HSPA4: variants seen among roughly 807,000 people sequenced by gnomAD.
HSPA4 encodes the protein heat shock 70 kDa protein 4.
In HSPA4, 25 loss-of-function variants were observed where a neutral mutation model predicts 106.2. That is an observed-to-expected ratio of 0.24 (90% confidence interval 0.17 to 0.33). HSPA4 has a LOEUF of 0.33. Among genes scored for constraint, HSPA4 ranks in the 10% least tolerant of loss-of-function variants. The pLI is 1.00. For missense variants in HSPA4, 841 were observed against 996.0 expected, an observed-to-expected ratio of 0.84 and a Z score of 2.10; for synonymous variants, 332 against 333.6, an observed-to-expected ratio of 1.00 and a Z score of 0.05.
In HSPA4 at chr5:133,073,213, CTTTT is replaced by C; in HGVS notation, c.430-8_430-5del. ...TAGAATCTATAATACAGTAAGCATT[CTTTT>C]TTTTTTTTGTAGGTTCCTTGTTTCT... On this transcript the variant is annotated splice_polypyrimidine_tract_variant and intron_variant, in intron 4 of 18. Coordinates refer to ENST00000304858, the MANE Select transcript of HSPA4 (RefSeq NM_002154.4). 1 of 1,189,676 alleles carries C rather than the reference CTTTT, an allele frequency of 8.4e-7. No homozygotes were observed. Among genetic ancestry groups the C allele is most frequent in the Non-Finnish European group, 1.2e-6 (1 of 859,238 alleles). The allele number at this position is 1,189,676 out of a possible 1,614,324, so 73.7% of individuals were successfully genotyped here. A position where few individuals can be genotyped will look rare whatever the true frequency, so the allele number is the denominator to read the frequency against.
intron 17 of HSPA4, among the ~76,000 whole-genome samples, chr5:133,102,850 C>T (rs1453627630): frequency 1.3e-5 from 2 of 150,628 alleles, no homozygotes; most frequent in Non-Finnish European, 2.9e-5. Context: ...AGTTCTCCTG[C>T]CTCAGCTACT....
Position 133,096,240 on chromosome 5 carries a change from T to C in HSPA4, c.1793T>C (p.Ile598Thr), listed in dbSNP as rs1765710646. The C allele has an allele frequency of 3.1e-6, 5 of 1,613,100 alleles. No homozygotes were observed. Among genetic ancestry groups the C allele is most frequent in the Non-Finnish European group, 4.2e-6 (5 of 1,179,484 alleles). Residue 598 changes from isoleucine (I) to threonine (T), a missense_variant, in exon 14 of 19, where the codon ATT (isoleucine) becomes ACT (threonine). Transcript: ENST00000304858. ...GACAGAGAGATGCTCAACTTGTACA[T>C]TGAAAATGAGGTTGTTATTTAAAGT... Reference protein sequence around the residue: ...QIDREMLNLYIENEGKMIMQD... With the variant: ...QIDREMLNLYTENEGKMIMQD...
intron 13 of HSPA4, among the ~76,000 whole-genome samples, chr5:133,095,085 G>A (rs188961235): frequency 3.9e-5 from 6 of 152,172 alleles, no homozygotes; most frequent in African/African-American, 1.2e-4. Flanking sequence ...CTGAGGCAGC[G>A]GATCACCTAA....
chr5:133,065,652 G>T (rs1213920638), intron 2 of HSPA4, among the ~76,000 whole-genome samples: 1 of 152,222 alleles, frequency 6.6e-6, no homozygotes, highest in East Asian at 1.9e-4. Flanking sequence ...AGTCTGTCTT[G>T]TTGGGCCTTT....
Position 133,089,298 on chromosome 5 carries a change from A to T in HSPA4, c.1244+137A>T, listed in dbSNP as rs1765615887. 6.6e-6 allele frequency: 4 copies of T among 610,072 alleles called. No individual in the cohort carries two copies. The Admixed American group carries it at 1.3e-4, about 20-fold the overall frequency. The allele number at this position is 610,072 out of a possible 1,614,324, so 37.8% of individuals were successfully genotyped here. Reference sequence around the variant, plus strand: ...CATGAAGGAAGTGGTCATTTATTTTAGTCAGAATAAATTTGTGTCCTTAAT... The same window carrying T: ...CATGAAGGAAGTGGTCATTTATTTTTGTCAGAATAAATTTGTGTCCTTAAT... On this transcript the variant is annotated intron_variant, in intron 10 of 18. Transcript: ENST00000304858.
intron 7 of HSPA4, among the ~76,000 whole-genome samples, chr5:133,079,035 C>A (rs1765482743): frequency 6.6e-6 from 1 of 152,104 alleles, no homozygotes; most frequent in Non-Finnish European, 1.5e-5. Context: ...TGCCTGGCCC[C>A]CTTCATTTAG....
rs188408751 is a variant in HSPA4 at position 133,080,499 on chromosome 5, C to T, written c.908+3601C>T. 6.3e-3 allele frequency among the ~76,000 whole-genome samples: 948 copies of T among 149,318 alleles called. 4 individuals carry two copies. Among genetic ancestry groups the T allele is most frequent in the Middle Eastern group, 0.011 (3 of 284 alleles). On this transcript the variant is annotated intron_variant, in intron 7 of 18. Transcript: ENST00000304858. ...TGGTTATTTTGCATCAGTTTTTTTC[C>T]AGGTACGCAGTGTGCCTTTTCATTA...
rs1765863896 is a variant in HSPA4 at position 133,106,392 on chromosome 5, A to G, written c.*1956A>G. On this transcript the variant is annotated 3_prime_UTR_variant, in exon 19 of 19. Transcript: ENST00000304858. ...CGTTCTTACACTAAGAAAATCATTC[A>G]GTAAACATGAGACAAGTTTAGGAAA... 6.6e-6 allele frequency: 1 copy of G among 151,920 alleles called. No individual in the cohort carries two copies. Among genetic ancestry groups the G allele is most frequent in the Admixed American group, 6.6e-5 (1 of 15,244 alleles). The allele number at this position is 151,920 out of a possible 1,614,324, so 9.4% of individuals were successfully genotyped here.
intron 13 of HSPA4, 86 bp from the exon 14 acceptor site, chr5:133,096,012 G>A: frequency 8.3e-7 from 1 of 1,200,928 alleles, no homozygotes; most frequent in South Asian, 1.7e-5. Context: ...AGTAAAAAAA[G>A]CAAAAACAGT....
At chr5:133,083,479 A>G (rs1349814756) in intron 7 of HSPA4, among the ~76,000 whole-genome samples, 1 of 152,206 alleles carries the variant, frequency 6.6e-6, no homozygotes, top group East Asian at 1.9e-4. Context: ...CATTTACTGT[A>G]CTTGTTTTAT....
chr5:133,094,333 T>C (rs1201955408), intron 13 of HSPA4, among the ~76,000 whole-genome samples: 2 of 152,258 alleles, frequency 1.3e-5, no homozygotes, highest in Non-Finnish European at 2.9e-5. Flanking sequence ...TTTTTACAAA[T>C]TTCTAATTTA....
rs776530638 is a variant in HSPA4 at position 133,092,720 on chromosome 5, G to A, written c.1581G>A (p.Glu527=). Reference sequence around the variant, plus strand: ...TTCAGAAGATGCAAGTGGACCAGGAGGAACCACATGTTGAAGAGCAACAGC... The same window carrying A: ...TTCAGAAGATGCAAGTGGACCAGGAAGAACCACATGTTGAAGAGCAACAGC... ...KEEEKMQVDQ[E]EPHVEEQQQQ... Residue 527 remains glutamate (E), a synonymous_variant, in exon 13 of 19, where the codon GAG becomes GAA. Coordinates refer to ENST00000304858, the MANE Select transcript of HSPA4 (RefSeq NM_002154.4). 12 of 1,612,178 alleles carry A rather than the reference G, an allele frequency of 7.4e-6. No individual in the cohort carries two copies. Among genetic ancestry groups the A allele is most frequent in the Non-Finnish European group, 1.0e-5 (12 of 1,179,014 alleles).
chr5:133,055,905 C>T (rs1300679381), intron 1 of HSPA4, among the ~76,000 whole-genome samples: 3 of 152,096 alleles, frequency 2.0e-5, no homozygotes, highest in Non-Finnish European at 4.4e-5. Flanking sequence ...TGCTGGAACC[C>T]TGTCTCTACT....
Position 133,068,445 on chromosome 5 carries a change from C to T in HSPA4, c.306+888C>T, listed in dbSNP as rs139147375. Among the ~76,000 whole-genome samples the T allele has an allele frequency of 2.2e-4, 33 of 149,718 alleles. No homozygotes were observed. In the East Asian group the frequency reaches 5.3e-3, roughly 24 times the overall value. ...AGGAATCCATGAGGGGGGGTGGGGG[C>T]GTGATTGGCTTTCCAGGCAGGTGAG... On this transcript the variant is annotated intron_variant, in intron 3 of 18. Coordinates refer to ENST00000304858, the MANE Select transcript of HSPA4 (RefSeq NM_002154.4).
chr5:133,088,672 CA>C, intron 9 of HSPA4, 117 bp downstream of exon 9: 1 of 802,590 alleles, frequency 1.2e-6, no homozygotes. Context: ...GTTGAGATTC[CA>C]AAACCTTTGT....
chr5:133,053,834 A>G (rs556822719), intron 1 of HSPA4, among the ~76,000 whole-genome samples: 1 of 150,936 alleles, frequency 6.6e-6, no homozygotes, highest in Non-Finnish European at 1.5e-5. Context: ...TAAATTTTGT[A>G]TTTTTAGTAG....
chr5:133,073,378 T>C, intron 5 of HSPA4, 49 bp downstream of exon 5: 1 of 1,303,096 alleles, frequency 7.7e-7, no homozygotes, highest in African/African-American at 1.5e-5. Flanking sequence ...TCTTGAAGAT[T>C]GTGAAATTTT....
intron 1 of HSPA4, among the ~76,000 whole-genome samples, chr5:133,059,434 T>G (rs1581463888): frequency 1.4e-5 from 2 of 140,896 alleles, no homozygotes; most frequent in Non-Finnish European, 3.0e-5. Context: ...GTGACAAGAG[T>G]GAGACTTTGT....
In HSPA4 at chr5:133,052,712, C is replaced by G. The variant is rs547825492; in HGVS notation, c.107+355C>G. On this transcript the variant is annotated intron_variant, in intron 1 of 18. Transcript: ENST00000304858. ...TTGAGGGCAGAGACCAGGCCCAGGT[C>G]GTACTGAGTCTTTTGAGTCCAACAG... The G allele has an allele frequency of 2.6e-4, 58 of 222,262 alleles. No individual in the cohort carries two copies. In the Middle Eastern group the frequency reaches 4.5e-3, roughly 17 times the overall value. The allele number at this position is 222,262 out of a possible 1,614,324, so 13.8% of individuals were successfully genotyped here.
Sources: allele counts gnomAD v4.1 joint callset (sites outside exome capture counted in the v4.1 genomes callset), GRCh38; gene constraint gnomAD v4.1.1; transcripts MANE v1.5; gene names NCBI Gene and HGNC (gene_info 2026-07-23, HGNC 2026-07-21).